PPP2R2A: variants seen among roughly 807,000 people sequenced by gnomAD.
PPP2R2A encodes the protein protein phosphatase 2 regulatory subunit Balpha.
PPP2R2A carries 9 observed loss-of-function variants against 53.2 expected under a neutral mutation model. That is an observed-to-expected ratio of 0.17 (90% CI 0.10 to 0.30). PPP2R2A has a LOEUF of 0.30. Ranked by LOEUF, PPP2R2A falls within the 10% of genes least tolerant of loss-of-function variation. PPP2R2A has a pLI of 1.00. For synonymous variants in PPP2R2A, 169 were observed against 174.2 expected (o/e 0.97, Z 0.23); for missense variants, 235 against 534.6 (o/e 0.44, Z 5.53).
rs1305067567 is a variant in PPP2R2A at position 26,333,541 on chromosome 8, C to T, written c.83-5349C>T. The T allele has an allele frequency of 3.3e-6, 4 of 1,197,730 alleles. No homozygotes were observed. The African/African-American group carries it at 4.6e-5, about 14-fold the overall frequency. 74.2% of individuals were successfully genotyped at this position (1,197,730 alleles called of 1,614,324 possible). On this transcript the variant is annotated intron_variant, in intron 2 of 9. Transcript: ENST00000380737. The stretch of plus-strand genomic sequence containing the variant: ...GAATTATGAAATCAAAGAGTGACTC[C>T]ATAAAGTGCCTCACAACACAAGAGC...
At chr8:26,339,897 C>CTA (rs1041082577) in intron 3 of PPP2R2A, 3 of 152,058 alleles carry the variant, frequency 2.0e-5, no homozygotes, top group African/African-American at 7.2e-5. Context: ...CTTTGCACTT[C>CTA]TATAGCGCCT....
At chr8:26,346,429 C>A (rs555742900) in intron 3 of PPP2R2A, among the ~76,000 whole-genome samples, 14 of 152,250 alleles carry the variant, frequency 9.2e-5, no homozygotes, top group African/African-American at 3.4e-4. Context: ...GCATGAGCCA[C>A]CACACCCAGC....
intron 6 of PPP2R2A, among the ~76,000 whole-genome samples, chr8:26,361,966 A>T (rs1805110161): frequency 6.7e-6 from 1 of 149,496 alleles, no homozygotes; most frequent in African/African-American, 2.4e-5. Context: ...TGTCTCAAAA[A>T]ATATATATAT....
At chr8:26,314,898 C>T (rs955908504) in intron 2 of PPP2R2A, among the ~76,000 whole-genome samples, 9 of 146,660 alleles carry the variant, frequency 6.1e-5, no homozygotes, top group African/African-American at 1.8e-4. Context: ...TCCCCCCCCC[C>T]CCCCCAACTA....
chr8:26,305,566 A>G (rs954178112), intron 2 of PPP2R2A, among the ~76,000 whole-genome samples: 1 of 152,188 alleles, frequency 6.6e-6, no homozygotes, highest in East Asian at 1.9e-4. Flanking sequence ...CCACAAGTCA[A>G]CAGGTATCTG....
chr8:26,359,849 T>C (rs2019238), intron 4 of PPP2R2A, among the ~76,000 whole-genome samples: 2 of 152,174 alleles, frequency 1.3e-5, no homozygotes, highest in Admixed American at 6.5e-5. Flanking sequence ...TACAGACATA[T>C]ATGTGTTTGC....
At chr8:26,311,167 G>A (rs888956426) in intron 2 of PPP2R2A, among the ~76,000 whole-genome samples, 6 of 152,104 alleles carry the variant, frequency 3.9e-5, no homozygotes, top group Non-Finnish European at 8.8e-5. Flanking sequence ...TTTTTATTTA[G>A]AGGATTAAAT....
chr8:26,367,346 G>C (rs1805428076), intron 9 of PPP2R2A, among the ~76,000 whole-genome samples: 1 of 152,184 alleles, frequency 6.6e-6, no homozygotes, highest in African/African-American at 2.4e-5. Flanking sequence ...AGAGTAAAGA[G>C]ATACTGAAAT....
chr8:26,309,560 C>G (rs552482476), intron 2 of PPP2R2A, among the ~76,000 whole-genome samples: 24 of 152,200 alleles, frequency 1.6e-4, no homozygotes, highest in Admixed American at 1.4e-3. Context: ...TCCTTTCCAG[C>G]TATGAGAGTC....
intron 2 of PPP2R2A, among the ~76,000 whole-genome samples, chr8:26,328,019 C>G (rs940981826): frequency 1.1e-4 from 16 of 152,166 alleles, no homozygotes; most frequent in African/African-American, 3.9e-4. Context: ...TCACCCACTC[C>G]TCCCCCTCAT....
At position 26,291,677 on chromosome 8, in the gene PPP2R2A, T is replaced by TTCCCC; in HGVS notation, c.-143_-142insTCCCC. On this transcript the variant is annotated 5_prime_UTR_variant, in exon 1 of 10. Transcript: ENST00000380737. ...TGGTCTGCCCGCCCCTCCTTCCTTT[T>TTCCCC]CCCCCCGGCCCCCGTCCCCTCCCCC... is the stretch of plus-strand genomic sequence containing the variant. The TTCCCC allele has an allele frequency of 6.6e-6, 3 of 451,622 alleles. No individual in the cohort carries two copies. Among genetic ancestry groups the TTCCCC allele is most frequent in the Admixed American group, 3.8e-5 (1 of 26,364 alleles). The allele number at this position is 451,622 out of a possible 1,614,324, so 28.0% of individuals were successfully genotyped here.
rs543346688 is a variant in PPP2R2A at position 26,360,511 on chromosome 8, C to A, written c.459+230C>A. ...GACTCAAGCACAAGACAGTATTTCACGCCATCAGACTTCATCTCTGGTTTG... is the reference window on the plus strand; with the variant it reads ...GACTCAAGCACAAGACAGTATTTCAAGCCATCAGACTTCATCTCTGGTTTG... On this transcript the variant is annotated intron_variant, in intron 5 of 9. Transcript: ENST00000380737. The surrounding 1 kb of genome is among the most constrained non-coding windows in gnomAD (Gnocchi z 4.5). The A allele has an allele frequency of 3.0e-6, 1 of 332,392 alleles. No individual in the cohort carries two copies. 20.6% of individuals were successfully genotyped at this position (332,392 alleles called of 1,614,324 possible).
chr8:26,317,758 A>T (rs1802630096), intron 2 of PPP2R2A, among the ~76,000 whole-genome samples: 1 of 152,206 alleles, frequency 6.6e-6, no homozygotes, highest in African/African-American at 2.4e-5. Flanking sequence ...TGGTTCAAAA[A>T]ATTAGCTTGT....
Position 26,362,582 on chromosome 8 carries a change from A to G in PPP2R2A, c.638-102A>G. Reference sequence around the variant, plus strand: ...AACAGTGGAGTGCAATTCAGAATTAATATTTTTGCTTAGGTCCATGAATGG... The same window carrying G: ...AACAGTGGAGTGCAATTCAGAATTAGTATTTTTGCTTAGGTCCATGAATGG... On this transcript the variant is annotated intron_variant, in intron 6 of 9. Coordinates refer to ENST00000380737, the MANE Select transcript of PPP2R2A (RefSeq NM_002717.4). This position sits in a 1 kb window ranked among gnomAD's most constrained non-coding sequence, Gnocchi z 4.4. 4.7e-6 allele frequency: 5 copies of G among 1,066,532 alleles called. No homozygotes were observed. Among genetic ancestry groups the G allele is most frequent in the Non-Finnish European group, 6.7e-6 (5 of 743,326 alleles). The allele number at this position is 1,066,532 out of a possible 1,614,324, so 66.1% of individuals were successfully genotyped here.
intron 2 of PPP2R2A, among the ~76,000 whole-genome samples, chr8:26,320,353 C>T (rs757366623): frequency 6.6e-6 from 1 of 152,174 alleles, no homozygotes; most frequent in Non-Finnish European, 1.5e-5. Flanking sequence ...TTGGTTGATT[C>T]TTCCCCTCCG....
Position 26,291,730 on chromosome 8 carries a change from C to T in PPP2R2A, c.-90C>T. On this transcript the variant is annotated 5_prime_UTR_variant, in exon 1 of 10. Transcript: ENST00000380737. ...CAGGTGCCATCCGCCGCCATCCGCCCTCTCTACCCCCCCATCCCCAGGTGA... is the reference window on the plus strand; with the variant it reads ...CAGGTGCCATCCGCCGCCATCCGCCTTCTCTACCCCCCCATCCCCAGGTGA... 7.0e-7 allele frequency: 1 copy of T among 1,421,648 alleles called. No individual in the cohort carries two copies. Among genetic ancestry groups the T allele is most frequent in the Non-Finnish European group, 9.6e-7 (1 of 1,041,706 alleles). The allele number at this position is 1,421,648 out of a possible 1,614,324, so 88.1% of individuals were successfully genotyped here. A position where few individuals can be genotyped will look rare whatever the true frequency, so the allele number is the denominator to read the frequency against.
intron 3 of PPP2R2A, among the ~76,000 whole-genome samples, chr8:26,348,576 A>G (rs981042341): frequency 6.6e-6 from 1 of 152,342 alleles, no homozygotes; most frequent in African/African-American, 2.4e-5. Context: ...ATATGTAAAT[A>G]TTCCAAAATA....
chr8:26,334,996 A>G (rs1803582578), intron 2 of PPP2R2A, among the ~76,000 whole-genome samples: 1 of 152,138 alleles, frequency 6.6e-6, no homozygotes, highest in East Asian at 1.9e-4. Flanking sequence ...TGGCATTCCT[A>G]AAAAGCAGCG....
chr8:26,362,883 A>T lies in PPP2R2A; in HGVS notation c.802+35A>T, dbSNP rs761350371. Reference sequence around the variant, plus strand: ...TTGTATCTTTCCTTAAAATGATTACATATTCTGTTTGTCTGAAATAAGCCT... The same window carrying T: ...TTGTATCTTTCCTTAAAATGATTACTTATTCTGTTTGTCTGAAATAAGCCT... On this transcript the variant is annotated intron_variant, in intron 7 of 9. Coordinates refer to ENST00000380737, the MANE Select transcript of PPP2R2A (RefSeq NM_002717.4). The surrounding 1 kb of genome is among the most constrained non-coding windows in gnomAD (Gnocchi z 4.4). The T allele has an allele frequency of 1.3e-6, 2 of 1,584,460 alleles. No individual in the cohort carries two copies. Among genetic ancestry groups the T allele is most frequent in the South Asian group, 2.2e-5 (2 of 89,744 alleles).
Sources: gnomAD v4.1 joint callset for allele counts (sites outside exome capture counted in the v4.1 genomes callset) on GRCh38, gnomAD v4.1.1 for gene constraint, Gnocchi (gnomAD v3.1) non-coding constraint, MANE v1.5 for transcripts, NCBI Gene and HGNC (gene_info 2026-07-23, HGNC 2026-07-21) for gene names.